Variants in COPS7A observed in about 807,000 individuals in gnomAD.
The protein encoded by COPS7A is COP9 signalosome complex subunit 7a.
COPS7A carries 20 observed loss-of-function variants against 35.2 expected under a neutral mutation model. The observed-to-expected ratio is 0.57, with a 90% CI of 0.40 to 0.83. The LOEUF is 0.83. COPS7A is among the 40% of genes least tolerant of loss of function. The probability of loss-of-function intolerance (pLI) is 0.00; values close to 1 mark genes in which losing one functional copy is unlikely to be tolerated. For synonymous variants in COPS7A, 139 were observed against 141.4 expected (o/e 0.98, Z 0.12); for missense variants, 247 against 347.5 (o/e 0.71, Z 2.30).
At position 6,731,108 on chromosome 12, in the gene COPS7A, A is replaced by G. The variant is rs764061711; in HGVS notation, c.*69A>G. ...CTGCCTGCCTCTTAGGAGTCCTCAG[A>G]GAGCCTTCTGTGCCCCTGGCCAGCT... On this transcript the variant is annotated 3_prime_UTR_variant, in exon 8 of 8. Transcript: ENST00000543155. 7 of 1,613,570 alleles carry G rather than the reference A, an allele frequency of 4.3e-6. No homozygotes were observed. The East Asian group carries it at 1.6e-4, about 36-fold the overall frequency.
At chr12:6,728,836 G>A (rs943280368) in intron 4 of COPS7A, among the ~76,000 whole-genome samples, 11 of 152,140 alleles carry the variant, frequency 7.2e-5, no homozygotes, top group African/African-American at 2.7e-4. Context: ...AGGAATGCCC[G>A]TTGCAGGTAG....
rs530390555 is a variant in COPS7A at position 6,725,270 on chromosome 12, C to T, written c.162+452C>T. On this transcript the variant is annotated intron_variant, in intron 2 of 7. Transcript: ENST00000543155. ...CTCCTGGGTTCACGCCATTCTCCTG[C>T]CTCAGCCTCCTCAGTAGCTGGGACT... 8.3e-4 allele frequency among the ~76,000 whole-genome samples: 126 copies of T among 151,970 alleles called. 1 individual carries two copies. Among genetic ancestry groups the T allele is most frequent in the East Asian group, 1.4e-3 (7 of 5,154 alleles).
chr12:6,730,777 A>T lies in COPS7A; in HGVS notation c.745A>T (p.Thr249Ser), dbSNP rs1348729430. 2.5e-6 allele frequency: 4 copies of T among 1,614,066 alleles called. No individual in the cohort carries two copies. The highest frequency in any genetic ancestry group is 1.7e-5 in the Admixed American group (1 of 59,994). The change falls in exon 7 of 8, where the codon ACC (threonine) becomes TCC (serine). Residue 249 changes from threonine to serine, a missense_variant. Physicochemically the swap from Thr to Ser is moderately conservative, Grantham distance 58 (BLOSUM62 1). Coordinates refer to ENST00000543155, the MANE Select transcript of COPS7A (RefSeq NM_001164094.2). ...TGAGCTGAGGGAACCAGCTCCTGGC[A>T]CCAACCAGCGCCAGCCCAGCAAGAA... ...LTELREPAPG[T>S]NQRQPSKKAS...
Position 6,728,090 on chromosome 12 carries a change from A to C in COPS7A, c.238+89A>C, listed in dbSNP as rs1296830509. On this transcript the variant is annotated intron_variant, in intron 3 of 7. Coordinates refer to ENST00000543155, the MANE Select transcript of COPS7A (RefSeq NM_001164094.2). ...TCAGAAGAAATTCCTGGGATATCCC[A>C]CTTAGATCCCTGGATGCATAGGGTC... 2.1e-5 allele frequency: 31 copies of C among 1,486,728 alleles called. No homozygotes were observed. The Admixed American group carries it at 2.2e-4, about 10-fold the overall frequency. The allele number at this position is 1,486,728 out of a possible 1,614,324, so 92.1% of individuals were successfully genotyped here. A position where few individuals can be genotyped will look rare whatever the true frequency, so the allele number is the denominator to read the frequency against.
In COPS7A at chr12:6,729,867, C is replaced by G. The variant is rs1297717181; in HGVS notation, c.530+418C>G. ...TCACCTCTTTTTCTCTTTGGCATCT[C>G]CTACCCTATTTTGTTTTCAGTTCCT... On this transcript the variant is annotated intron_variant, in intron 5 of 7. Transcript: ENST00000543155. This position sits in a 1 kb window ranked among gnomAD's most constrained non-coding sequence, Gnocchi z 4.2. Among the ~76,000 whole-genome samples, 2 of 152,112 alleles carry G rather than the reference C, an allele frequency of 1.3e-5. No homozygotes were observed. The highest frequency in any genetic ancestry group is 2.9e-5 in the Non-Finnish European group (2 of 68,014).
chr12:6,725,432 C>T (rs1329497443), intron 2 of COPS7A, among the ~76,000 whole-genome samples: 1 of 152,118 alleles, frequency 6.6e-6, no homozygotes, highest in Non-Finnish European at 1.5e-5. Context: ...GCTGGGATTA[C>T]AGGCTTGAGC....
Position 6,727,953 on chromosome 12 carries a change from T to G in COPS7A, c.190T>G (p.Phe64Val). ...GGCTGAGAGTGACTTTGCCTCTACC[T>G]TCCGGCTGCTCACAGTGTTTGCTTA... is the stretch of plus-strand genomic sequence containing the variant. ...ELAESDFAST[F>V]RLLTVFAYGT... The change falls in exon 3 of 8, where the codon TTC becomes GTC. Residue 64 changes from phenylalanine to valine, a missense_variant. Phe to Val is a conservative substitution (Grantham distance 50, BLOSUM62 -1). Coordinates refer to ENST00000543155, the MANE Select transcript of COPS7A (RefSeq NM_001164094.2). 6.2e-7 allele frequency: 1 copy of G among 1,614,218 alleles called. No homozygotes were observed. The highest frequency in any genetic ancestry group is 8.5e-7 in the Non-Finnish European group (1 of 1,180,038).
chr12:6,726,267 G>A (rs1041084453), intron 2 of COPS7A, among the ~76,000 whole-genome samples: 8 of 150,344 alleles, frequency 5.3e-5, no homozygotes, highest in East Asian at 2.0e-4. Context: ...CAGTCTGGGC[G>A]ACAGAGCGAG....
chr12:6,725,317 C>T (rs532117441), intron 2 of COPS7A, among the ~76,000 whole-genome samples: 11 of 152,166 alleles, frequency 7.2e-5, no homozygotes, highest in South Asian at 4.2e-4. Context: ...CCACCATGCC[C>T]GGCTAACTTT....
rs1565469921 is a variant in COPS7A, at chr12:6,731,406, ACCCCATCC to A, written c.*369_*376del. On this transcript the variant is annotated 3_prime_UTR_variant, in exon 8 of 8. Transcript: ENST00000543155. ...ATAACCCACAGGCGTTTTTTCTGCCACCCCATCCCTGCATGCCTGATCCCCAGTTCCTA... is the reference window on the plus strand; with the variant it reads ...ATAACCCACAGGCGTTTTTTCTGCCACTGCATGCCTGATCCCCAGTTCCTA... The A allele has an allele frequency of 1.9e-6, 2 of 1,074,508 alleles. No homozygotes were observed. The highest frequency in any genetic ancestry group is 3.5e-5 in the Admixed American group (1 of 28,548). 66.6% of individuals were successfully genotyped at this position (1,074,508 alleles called of 1,614,324 possible).
intron 2 of COPS7A, among the ~76,000 whole-genome samples, chr12:6,727,336 CAAAAAAA>C: frequency 1.1e-5 from 1 of 88,046 alleles, no homozygotes; most frequent in East Asian, 3.2e-4. Context: ...GACTCTGTCT[CAAAAAAA>C]AAAAAAAAAA....
chr12:6,726,465 G>C (rs1287870138), intron 2 of COPS7A, among the ~76,000 whole-genome samples: 1 of 151,914 alleles, frequency 6.6e-6, no homozygotes. Context: ...AGCCGGGCGC[G>C]GTGGCAGGCG....
intron 2 of COPS7A, among the ~76,000 whole-genome samples, chr12:6,726,235 T>A (rs1357539431): frequency 2.8e-5 from 4 of 141,702 alleles, no homozygotes; most frequent in Admixed American, 7.2e-5. Context: ...TTGCAGTGAG[T>A]TGAGTTCGAG....
At chr12:6,730,600 A>G (rs912778956) in intron 6 of COPS7A, 69 bp from the exon 7 acceptor site, 8 of 1,611,386 alleles carry the variant, frequency 5.0e-6, no homozygotes, top group Non-Finnish European at 6.8e-6. Flanking sequence ...TGTAGCAGAC[A>G]ACCAGATGAG....
intron 2 of COPS7A, chr12:6,725,972 C>T (rs112219744): frequency 2.4e-5 from 11 of 451,756 alleles, no homozygotes; most frequent in Non-Finnish European, 3.1e-5. Flanking sequence ...AGGTGGATCA[C>T]CTGAGGGCAG....
Position 6,728,307 on chromosome 12 carries a change from T to G in COPS7A, c.323T>G (p.Val108Gly). 1 of 1,613,382 alleles carries G rather than the reference T, an allele frequency of 6.2e-7. No individual in the cohort carries two copies. The highest frequency in any genetic ancestry group is 8.5e-7 in the Non-Finnish European group (1 of 1,179,356). ...TCAGTTGTCACCCTGGCTGCTAAAG[T>G]AAAGGTGAGTGGCAGTCCCCCAGTC... The part of the protein sequence containing the change: ...HLSVVTLAAK[V>G]KCIPYAVLLE... Residue 108 changes from valine (V) to glycine (G), a missense_variant, in exon 4 of 8, where the codon GTA becomes GGA. Physicochemically the swap from Val to Gly is moderately radical, Grantham distance 109. Transcript: ENST00000543155.
At position 6,731,127 on chromosome 12, in the gene COPS7A, GC is replaced by G. The variant is rs754713544; in HGVS notation, c.*90del. 1 of 1,612,230 alleles carries G rather than the reference GC, an allele frequency of 6.2e-7. No individual in the cohort carries two copies. Among genetic ancestry groups the G allele is most frequent in the Non-Finnish European group, 8.5e-7 (1 of 1,179,336 alleles). ...CCTCAGAGAGCCTTCTGTGCCCCTG[GC>G]CAGCTGATAATCCTAGGTTCATGAC... On this transcript the variant is annotated 3_prime_UTR_variant, in exon 8 of 8. Transcript: ENST00000543155.
In COPS7A at chr12:6,731,053, T is replaced by G. The variant is rs372686385; in HGVS notation, c.*14T>G. 3 of 1,613,884 alleles carry G rather than the reference T, an allele frequency of 1.9e-6. No homozygotes were observed. The African/African-American group carries it at 4.0e-5, about 22-fold the overall frequency. Reference sequence around the variant, plus strand: ...AAGTCGAATTGAAAGGACTGTCGTTTCCTCCCTGGGGATGTGGGGTCCCAG... The same window carrying G: ...AAGTCGAATTGAAAGGACTGTCGTTGCCTCCCTGGGGATGTGGGGTCCCAG... On this transcript the variant is annotated 3_prime_UTR_variant, in exon 8 of 8. Coordinates refer to ENST00000543155, the MANE Select transcript of COPS7A (RefSeq NM_001164094.2).
In COPS7A at chr12:6,730,377, C is replaced by A. The variant is rs375842148; in HGVS notation, c.531-25C>A. 21 of 1,609,004 alleles carry A rather than the reference C, an allele frequency of 1.3e-5. No individual in the cohort carries two copies. The African/African-American group carries it at 2.4e-4, about 18-fold the overall frequency. On this transcript the variant is annotated intron_variant, in intron 5 of 7. Coordinates refer to ENST00000543155, the MANE Select transcript of COPS7A (RefSeq NM_001164094.2). ...TGTGATCGCAGCCCTTGTCTGCTGACACTTCTCTCCCCTGACTCCTGCAGG... is the reference window on the plus strand; with the variant it reads ...TGTGATCGCAGCCCTTGTCTGCTGAAACTTCTCTCCCCTGACTCCTGCAGG...
Sources: gnomAD v4.1 joint callset for allele counts (sites outside exome capture counted in the v4.1 genomes callset) on GRCh38, gnomAD v4.1.1 for gene constraint, Gnocchi (gnomAD v3.1) non-coding constraint, MANE v1.5 for transcripts, NCBI Gene and HGNC (gene_info 2026-07-23, HGNC 2026-07-21) for gene names.